The following DNAJC11 variants were observed in gnomAD, a reference collection of about 807,000 sequenced individuals.
DNAJC11 encodes the protein dnaJ homolog subfamily C member 11.
DNAJC11 carries 15 observed loss-of-function variants against 78.6 expected under a neutral mutation model. The ratio of observed to expected loss-of-function variants is 0.19; its 90% CI spans 0.13 to 0.29. DNAJC11 has a LOEUF of 0.29. Among genes scored for constraint, DNAJC11 ranks in the 10% least tolerant of loss-of-function variants. The probability of loss-of-function intolerance (pLI) is 1.00; values close to 1 mark genes in which losing one functional copy is unlikely to be tolerated. For missense variants in DNAJC11, 547 were observed against 709.6 expected (o/e 0.77, Z 2.60); for synonymous variants, 292 against 272.1 (o/e 1.07, Z -0.72).
intron 7 of DNAJC11, among the ~76,000 whole-genome samples, chr1:6,648,867 A>T (rs929226566): frequency 5.9e-5 from 9 of 152,188 alleles, no homozygotes; most frequent in African/African-American, 2.2e-4. Context: ...TCTAAGTATG[A>T]ATCCCGGTCC....
chr1:6,647,465 A>C, intron 7 of DNAJC11, among the ~76,000 whole-genome samples: 1 of 152,168 alleles, frequency 6.6e-6, no homozygotes, highest in Non-Finnish European at 1.5e-5. Flanking sequence ...ACTTGATCCA[A>C]GGATTAGAGG....
At chr1:6,638,181 A>C in intron 12 of DNAJC11, 114 bp downstream of exon 12, 10 of 1,022,504 alleles carry the variant, frequency 9.8e-6, no homozygotes, top group Non-Finnish European at 1.4e-5. Flanking sequence ...GACTAAGTGG[A>C]GAGCCAAGTT....
chr1:6,695,888 G>T (rs1029756200), intron 1 of DNAJC11, among the ~76,000 whole-genome samples: 9 of 152,116 alleles, frequency 5.9e-5, no homozygotes, highest in Non-Finnish European at 7.4e-5. Flanking sequence ...AGTAAAATGG[G>T]ATTTGAATAC....
Position 6,644,718 on chromosome 1 carries a change from C to T in DNAJC11, c.981-44G>A, listed in dbSNP as rs140037951. On this transcript the variant is annotated intron_variant, in intron 9 of 15. Coordinates refer to ENST00000377577, the MANE Select transcript of DNAJC11 (RefSeq NM_018198.4). ...GTCTGTGCCTGTGCCCCTCATTCAT[C>T]ACTTCAGGGGCAGCTGTCATTTGAG... is the stretch of plus-strand genomic sequence containing the variant. 8.6e-5 allele frequency: 130 copies of T among 1,508,426 alleles called. No individual in the cohort carries two copies. In the East Asian group the frequency reaches 2.9e-3, roughly 33 times the overall value. The allele number at this position is 1,508,426 out of a possible 1,614,324, so 93.4% of individuals were successfully genotyped here. A position where few individuals can be genotyped will look rare whatever the true frequency, so the allele number is the denominator to read the frequency against.
At chr1:6,644,188 G>C (rs1400460739) in intron 10 of DNAJC11, among the ~76,000 whole-genome samples, 1 of 151,926 alleles carries the variant, frequency 6.6e-6, no homozygotes, top group Admixed American at 6.6e-5. Context: ...GAGTGCAGTG[G>C]CACGATCTCC....
At chr1:6,638,004 A>T (rs1641812455) in intron 12 of DNAJC11, 1 of 399,730 alleles carries the variant, frequency 2.5e-6, no homozygotes, top group African/African-American at 2.0e-5. Context: ...TATGCTCGCC[A>T]CATACCCAGG....
intron 2 of DNAJC11, among the ~76,000 whole-genome samples, chr1:6,679,650 G>T (rs920436147): frequency 1.2e-4 from 18 of 152,204 alleles, no homozygotes; most frequent in Non-Finnish European, 2.5e-4. Context: ...AGCCAAACTT[G>T]TGTTCCTCTC....
At chr1:6,672,788 C>T (rs1009793227) in intron 3 of DNAJC11, among the ~76,000 whole-genome samples, 1 of 152,204 alleles carries the variant, frequency 6.6e-6, no homozygotes, top group Non-Finnish European at 1.5e-5. Context: ...ACAGAGGCAT[C>T]TGGGAACACA....
intron 7 of DNAJC11, among the ~76,000 whole-genome samples, chr1:6,649,459 G>A (rs1642020973): frequency 6.6e-6 from 1 of 152,018 alleles, no homozygotes; most frequent in Non-Finnish European, 1.5e-5. Context: ...ATGAGCCACC[G>A]TGCTCAGCCA....
chr1:6,686,746 TATTTA>T (rs1220367980), intron 1 of DNAJC11, among the ~76,000 whole-genome samples: 19 of 152,372 alleles, frequency 1.2e-4, no homozygotes, highest in African/African-American at 4.6e-4. Flanking sequence ...ATGATGATGA[TATTTA>T]ATTTGATACT....
intron 9 of DNAJC11, among the ~76,000 whole-genome samples, 165 bp downstream of exon 9, chr1:6,644,876 G>A: frequency 6.6e-6 from 1 of 152,180 alleles, no homozygotes; most frequent in East Asian, 1.9e-4. Flanking sequence ...CAAGGGCTGG[G>A]ACTGTAGTGT....
rs111704540 is a variant in DNAJC11 at position 6,645,154 on chromosome 1, G to A, written c.895-28C>T. 1,703 of 1,575,684 alleles carry A rather than the reference G, an allele frequency of 1.1e-3. 1 individual carries two copies. Among genetic ancestry groups the A allele is most frequent in the Non-Finnish European group, 1.3e-3 (1,476 of 1,146,540 alleles). On this transcript the variant is annotated intron_variant, in intron 8 of 15. Transcript: ENST00000377577. This position sits in a 1 kb window ranked among gnomAD's most constrained non-coding sequence, Gnocchi z 4.1. ...GGGGAGACAGAGGGTGCAAGGATGCGTGGCTAGGGCGTGTGACTCTGTGGG... is the reference window on the plus strand; with the variant it reads ...GGGGAGACAGAGGGTGCAAGGATGCATGGCTAGGGCGTGTGACTCTGTGGG...
intron 2 of DNAJC11, among the ~76,000 whole-genome samples, chr1:6,679,077 C>T (rs954918809): frequency 2.0e-5 from 3 of 152,126 alleles, no homozygotes; most frequent in African/African-American, 7.2e-5. Context: ...GGCACGGGCT[C>T]CTGCATTGGG....
At chr1:6,677,181 A>AAAAAG in intron 3 of DNAJC11, among the ~76,000 whole-genome samples, 1 of 151,868 alleles carries the variant, frequency 6.6e-6, no homozygotes, top group Non-Finnish European at 1.5e-5. Flanking sequence ...AAAACAAAAA[A>AAAAAG]AACGAAGGAA....
At position 6,680,751 on chromosome 1, in the gene DNAJC11, A is replaced by G. The variant is rs891298675; in HGVS notation, c.202+157T>C. Among the ~76,000 whole-genome samples, 1 of 152,230 alleles carries G rather than the reference A, an allele frequency of 6.6e-6. No individual in the cohort carries two copies. The highest frequency in any genetic ancestry group is 1.5e-5 in the Non-Finnish European group (1 of 68,046). The stretch of plus-strand genomic sequence containing the variant: ...GTATTGATTTCCAAAGCAAAATACT[A>G]TTCTTTCAAAGGACCCTGTCAGTGA... On this transcript the variant is annotated intron_variant, in intron 2 of 15. Coordinates refer to ENST00000377577, the MANE Select transcript of DNAJC11 (RefSeq NM_018198.4). The surrounding 1 kb of genome is among the most constrained non-coding windows in gnomAD (Gnocchi z 4.0).
At chr1:6,692,301 C>T (rs1401433712) in intron 1 of DNAJC11, among the ~76,000 whole-genome samples, 1 of 152,066 alleles carries the variant, frequency 6.6e-6, no homozygotes, top group Non-Finnish European at 1.5e-5. Flanking sequence ...GGTGGGGCAT[C>T]CTCAACAGCC....
At chr1:6,672,775 C>T (rs1642400341) in intron 3 of DNAJC11, among the ~76,000 whole-genome samples, 3 of 152,204 alleles carry the variant, frequency 2.0e-5, no homozygotes, top group South Asian at 4.1e-4. Context: ...GCAACCCTTA[C>T]AGACAGAGGC....
rs192664997 is a variant in DNAJC11 at position 6,673,262 on chromosome 1, G to A, written c.276+5132C>T. Among the ~76,000 whole-genome samples, 27 of 146,822 alleles carry A rather than the reference G, an allele frequency of 1.8e-4. 1 individual carries two copies. In the South Asian group the frequency reaches 2.9e-3, roughly 16 times the overall value. The stretch of plus-strand genomic sequence containing the variant: ...CAGCCCAGGAGTTCCAGACCAACCC[G>A]GGCAACATAGTGAGACCCCATCTCT... On this transcript the variant is annotated intron_variant, in intron 3 of 15. Coordinates refer to ENST00000377577, the MANE Select transcript of DNAJC11 (RefSeq NM_018198.4).
chr1:6,674,436 C>A (rs556346146), intron 3 of DNAJC11, among the ~76,000 whole-genome samples: 1 of 152,192 alleles, frequency 6.6e-6, no homozygotes, highest in African/African-American at 2.4e-5. Flanking sequence ...TGGTGCGCAC[C>A]TGTAATTCCA....
Sources: gnomAD v4.1 joint callset for allele counts (sites outside exome capture counted in the v4.1 genomes callset) on GRCh38, gnomAD v4.1.1 for gene constraint, Gnocchi (gnomAD v3.1) non-coding constraint, MANE v1.5 for transcripts, NCBI Gene and HGNC (gene_info 2026-07-23, HGNC 2026-07-21) for gene names.